FBXO34: variants seen among roughly 807,000 people sequenced by gnomAD.
FBXO34 encodes the protein F-box only protein 34.
In FBXO34, 12 loss-of-function variants were observed where a neutral mutation model predicts 24.5. The ratio of observed to expected loss-of-function variants is 0.49; its 90% confidence interval spans 0.31 to 0.79. The LOEUF (loss-of-function observed/expected upper bound fraction) is 0.79. Ranked by LOEUF, FBXO34 falls within the 30% of genes least tolerant of loss-of-function variation. The pLI is 0.04. For missense variants in FBXO34, 823 were observed against 857.7 expected (o/e 0.96, Z 0.51); for synonymous variants, 320 against 311.9 (o/e 1.03, Z -0.27).
chr14:55,396,734 G>A, the FBXO34 span, among the ~76,000 whole-genome samples: 5 of 152,122 alleles, frequency 3.3e-5, no homozygotes, highest in Non-Finnish European at 5.9e-5. Flanking sequence ...AAACCTCTAG[G>A]GTGCATCTAG....
At chr14:55,395,590 A>G in the FBXO34 span, among the ~76,000 whole-genome samples, 1 of 152,254 alleles carries the variant, frequency 6.6e-6, no homozygotes, top group African/African-American at 2.4e-5. Context: ...CCCCACTCCA[A>G]GATTATGTAA....
the FBXO34 span, among the ~76,000 whole-genome samples, chr14:55,425,880 T>C: frequency 1.3e-5 from 2 of 152,216 alleles, no homozygotes; most frequent in African/African-American, 4.8e-5. Flanking sequence ...ATAGCTATAT[T>C]GCTTGCCATT....
rs770461440 is a variant in FBXO34 at position 55,351,003 on chromosome 14, C to T, written c.613C>T (p.Leu205=). 3.1e-6 allele frequency: 5 copies of T among 1,614,198 alleles called. No homozygotes were observed. Among genetic ancestry groups the T allele is most frequent in the Admixed American group, 3.3e-5 (2 of 60,022 alleles). The change falls in exon 2 of 2, where the codon CTG becomes TTG. Residue 205 remains leucine, a synonymous_variant. Transcript: ENST00000313833. ...GGATGGAGTCTATGCTGGGAGGCCT[C>T]TGTCAGTTATACAGATGGTTGCCTT... ...SGDGVYAGRP[L]SVIQMVAFLE...
chr14:55,323,740 A>G (rs1482932059), intron 1 of FBXO34, among the ~76,000 whole-genome samples: 1 of 152,142 alleles, frequency 6.6e-6, no homozygotes, highest in Non-Finnish European at 1.5e-5. Flanking sequence ...AGTTTTCTCA[A>G]TTTATTCAAA....
intron 1 of FBXO34, among the ~76,000 whole-genome samples, chr14:55,283,976 CTGTG>C (rs944505119): frequency 1.8e-5 from 2 of 108,858 alleles, no homozygotes; most frequent in African/African-American, 3.6e-5. Flanking sequence ...GTGTGTGTGT[CTGTG>C]TGTGTGTGTA....
Position 55,334,930 on chromosome 14 carries a change from CAA to C in FBXO34, c.-10-15449_-10-15448del, listed in dbSNP as rs1377141685. On this transcript the variant is annotated intron_variant, in intron 1 of 1. Transcript: ENST00000313833. ...GAAATAAGGTAGTTTTGTGGTAGAA[CAA>C]ACTCTTCCTTGTGGGAGGTATAGTG... 2.0e-5 allele frequency among the ~76,000 whole-genome samples: 3 copies of C among 152,118 alleles called. No individual in the cohort carries two copies. In the East Asian group the frequency reaches 5.8e-4, roughly 29 times the overall value.
chr14:55,390,192 T>A, the FBXO34 span, among the ~76,000 whole-genome samples: 9 of 152,090 alleles, frequency 5.9e-5, no homozygotes, highest in Non-Finnish European at 1.3e-4. Flanking sequence ...TGCCTCAGCC[T>A]CCTGAGTAGC....
the FBXO34 span, among the ~76,000 whole-genome samples, chr14:55,440,834 T>C: frequency 6.6e-6 from 1 of 151,658 alleles, no homozygotes; most frequent in Non-Finnish European, 1.5e-5. Context: ...TCGGTGCAAG[T>C]GCATGGAAAG....
intron 1 of FBXO34, among the ~76,000 whole-genome samples, chr14:55,296,608 G>T (rs971742947): frequency 5.3e-5 from 8 of 151,820 alleles, no homozygotes; most frequent in Admixed American, 4.6e-4. Context: ...ATATTGCCCA[G>T]GCTGATCTTG....
At position 55,353,584 on chromosome 14, in the gene FBXO34, TAAATA is replaced by T. The variant is rs1260420772; in HGVS notation, c.*1062_*1066del. The T allele has an allele frequency of 6.0e-6, 1 of 167,110 alleles. No individual in the cohort carries two copies. 10.4% of individuals were successfully genotyped at this position (167,110 alleles called of 1,614,324 possible). A position where few individuals can be genotyped will look rare whatever the true frequency, so the allele number is the denominator to read the frequency against. On this transcript the variant is annotated 3_prime_UTR_variant, in exon 2 of 2. Transcript: ENST00000313833. ...TCTGGTTACAAAATTTTTTAAAACTTAAATAAAAACATGCATCTTAAATGGAACCC... is the reference window on the plus strand; with the variant it reads ...TCTGGTTACAAAATTTTTTAAAACTTAAAACATGCATCTTAAATGGAACCC...
At chr14:55,295,922 T>C (rs1164161787) in intron 1 of FBXO34, among the ~76,000 whole-genome samples, 9 of 152,218 alleles carry the variant, frequency 5.9e-5, no homozygotes, top group African/African-American at 1.7e-4. Context: ...TTATCTTTTA[T>C]TTGCTTTAGC....
At chr14:55,414,402 G>C in the FBXO34 span, 5 of 1,607,416 alleles carry the variant, frequency 3.1e-6, no homozygotes, top group Non-Finnish European at 3.4e-6. Context: ...AAACCTTTTA[G>C]AATAGGATAG....
intron 1 of FBXO34, among the ~76,000 whole-genome samples, chr14:55,346,403 A>G (rs1884161754): frequency 6.6e-6 from 1 of 152,214 alleles, no homozygotes; most frequent in African/African-American, 2.4e-5. Context: ...GGAGGAATCT[A>G]AGTGACTCAA....
intron 1 of FBXO34, among the ~76,000 whole-genome samples, chr14:55,344,650 C>T (rs2140077381): frequency 1.3e-5 from 2 of 151,710 alleles, no homozygotes; most frequent in South Asian, 4.2e-4. Flanking sequence ...CATCTATCAA[C>T]CTGTCATCTA....
At chr14:55,438,641 T>C in the FBXO34 span, among the ~76,000 whole-genome samples, 1 of 152,128 alleles carries the variant, frequency 6.6e-6, no homozygotes, top group Non-Finnish European at 1.5e-5. Context: ...ATGGCGAGGA[T>C]TTGAAGGAGG....
the FBXO34 span, chr14:55,380,607 G>A: frequency 6.2e-7 from 1 of 1,612,518 alleles, no homozygotes; most frequent in East Asian, 2.2e-5. Flanking sequence ...TTTACATCAA[G>A]TATATGAGAC....
chr14:55,413,597 G>T, the FBXO34 span: 5 of 442,146 alleles, frequency 1.1e-5, no homozygotes, highest in East Asian at 2.5e-4. Context: ...AGCAGCCCAG[G>T]CTCCCTCCAT....
chr14:55,383,445 GAAGGCT>G, the FBXO34 span, among the ~76,000 whole-genome samples: 21 of 152,176 alleles, frequency 1.4e-4, no homozygotes, highest in South Asian at 1.2e-3. Flanking sequence ...CAGCTACTCG[GAAGGCT>G]AAGGCAGGAG....
At chr14:55,313,882 G>T (rs1882836752) in intron 1 of FBXO34, among the ~76,000 whole-genome samples, 1 of 152,080 alleles carries the variant, frequency 6.6e-6, no homozygotes, top group Admixed American at 6.5e-5. Context: ...GGGACACAAA[G>T]CCTAACCATA....
Sources: allele counts gnomAD v4.1 joint callset (sites outside exome capture counted in the v4.1 genomes callset), GRCh38; gene constraint gnomAD v4.1.1; transcripts MANE v1.5; gene names NCBI Gene and HGNC (gene_info 2026-07-23, HGNC 2026-07-21).